The following MICU3 variants were observed in gnomAD, a reference collection of about 807,000 sequenced individuals.
MICU3 encodes the protein calcium uptake protein 3, mitochondrial.
MICU3 carries 62 observed loss-of-function variants against 66.5 expected under a neutral mutation model. The ratio of observed to expected loss-of-function variants is 0.93; its 90% CI spans 0.76 to 1.15. MICU3 has a LOEUF of 1.15. Ranked by LOEUF, MICU3 falls within the 50% of genes most tolerant of loss-of-function variation. The pLI is 0.00. For missense variants in MICU3, 779 were observed against 664.4 expected (o/e 1.17, Z -1.90); for synonymous variants, 308 against 240.7 (o/e 1.28, Z -2.59).
chr8:17,073,952 T>G (rs1819983679), intron 3 of MICU3, among the ~76,000 whole-genome samples: 1 of 152,196 alleles, frequency 6.6e-6, no homozygotes, highest in African/African-American at 2.4e-5. Context: ...TTTTCAAAGG[T>G]CCATGAAGTC....
intron 9 of MICU3, among the ~76,000 whole-genome samples, chr8:17,100,066 G>A (rs551673382): frequency 1.2e-4 from 18 of 151,930 alleles, no homozygotes; most frequent in South Asian, 6.2e-4. Context: ...TGGAGGAGCT[G>A]TGGGCTTTTA....
chr8:17,045,552 G>A (rs1314619752), intron 1 of MICU3, among the ~76,000 whole-genome samples: 1 of 152,178 alleles, frequency 6.6e-6, no homozygotes, highest in African/African-American at 2.4e-5. Flanking sequence ...GACCCAAGAG[G>A]GCAGAGTTTG....
At chr8:17,060,305 T>C (rs1817624860) in intron 1 of MICU3, among the ~76,000 whole-genome samples, 1 of 152,030 alleles carries the variant, frequency 6.6e-6, no homozygotes, top group Non-Finnish European at 1.5e-5. Flanking sequence ...ACTTTTTTTT[T>C]TTTTTCTTTG....
intron 1 of MICU3, among the ~76,000 whole-genome samples, chr8:17,028,612 A>G (rs986007171): frequency 3.3e-5 from 5 of 152,236 alleles, no homozygotes; most frequent in African/African-American, 1.2e-4. Flanking sequence ...CTTTGTTCTT[A>G]ATACGCAGTG....
At chr8:17,068,817 G>T (rs1490662482) in intron 2 of MICU3, among the ~76,000 whole-genome samples, 1 of 152,086 alleles carries the variant, frequency 6.6e-6, no homozygotes, top group African/African-American at 2.4e-5. Context: ...CCATTGCCAG[G>T]TAGAAGAAGA....
chr8:17,114,052 T>A, intron 11 of MICU3, 41 bp from the exon 12 acceptor site: 1 of 1,131,214 alleles, frequency 8.8e-7, no homozygotes, highest in Non-Finnish European at 1.2e-6. Context: ...TTAATAAATT[T>A]GGCAATACTA....
chr8:17,033,567 G>A (rs538506228), intron 1 of MICU3, among the ~76,000 whole-genome samples: 1 of 152,006 alleles, frequency 6.6e-6, no homozygotes, highest in Non-Finnish European at 1.5e-5. Context: ...CTCCCGAGTA[G>A]CTGGGACTGC....
intron 8 of MICU3, among the ~76,000 whole-genome samples, chr8:17,097,912 A>G (rs1198426666): frequency 6.6e-6 from 1 of 151,752 alleles, no homozygotes; most frequent in Admixed American, 6.6e-5. Context: ...ACACCTGCCA[A>G]ATCTCAAGTA....
At chr8:17,044,085 G>T (rs953096766) in intron 1 of MICU3, among the ~76,000 whole-genome samples, 11 of 152,154 alleles carry the variant, frequency 7.2e-5, no homozygotes, top group African/African-American at 2.7e-4. Flanking sequence ...CAAATGATAG[G>T]AGAGCAACAA....
chr8:17,138,344 G>A, the MICU3 span, among the ~76,000 whole-genome samples: 228 of 152,064 alleles, frequency 1.5e-3, 1 homozygote, highest in African/African-American at 5.1e-3. Flanking sequence ...AAGCTGTTTC[G>A]GAAAAAAAGA....
intron 1 of MICU3, among the ~76,000 whole-genome samples, chr8:17,056,658 A>G (rs1816980703): frequency 6.6e-6 from 1 of 152,228 alleles, no homozygotes; most frequent in Admixed American, 6.5e-5. Flanking sequence ...TTATCCAGAT[A>G]CTGTGTTGGC....
intron 1 of MICU3, among the ~76,000 whole-genome samples, chr8:17,033,525 TCG>T (rs1229355528): frequency 6.6e-6 from 1 of 152,096 alleles, no homozygotes; most frequent in Non-Finnish European, 1.5e-5. Context: ...AAGCTCCGCC[TCG>T]CCGGGTTCAT....
chr8:17,081,716 CT>C lies in MICU3; in HGVS notation c.675del (p.Leu226PhefsTer5). On this transcript the variant is annotated frameshift_variant, in exon 5 of 15. Transcript: ENST00000318063. LOFTEE classifies it high-confidence loss of function. ...EKGVISYTEYLFLLCILTKPH... is the reference protein window; with the variant it reads ...EKGVISYTEYXFLLCILTKPH... Reference sequence around the variant, plus strand: ...AGGTGTGATTTCTTACACAGAATATCTTTTTCTTTTATGTATTTTAACAAGT... The same window carrying C: ...AGGTGTGATTTCTTACACAGAATATCTTTTCTTTTATGTATTTTAACAAGT... 3 of 916,732 alleles carry C rather than the reference CT, an allele frequency of 3.3e-6. No individual in the cohort carries two copies. Among genetic ancestry groups the C allele is most frequent in the Non-Finnish European group, 5.0e-6 (3 of 605,140 alleles). The allele number at this position is 916,732 out of a possible 1,614,324, so 56.8% of individuals were successfully genotyped here. A position where few individuals can be genotyped will look rare whatever the true frequency, so the allele number is the denominator to read the frequency against.
Position 17,120,716 on chromosome 8 carries a change from A to G in MICU3, c.*429A>G, listed in dbSNP as rs566523635. 30 of 152,556 alleles carry G rather than the reference A, an allele frequency of 2.0e-4. No homozygotes were observed. The East Asian group carries it at 5.8e-3, about 29-fold the overall frequency. The allele number at this position is 152,556 out of a possible 1,614,324, so 9.5% of individuals were successfully genotyped here. On this transcript the variant is annotated 3_prime_UTR_variant, in exon 15 of 15. Transcript: ENST00000318063. The stretch of plus-strand genomic sequence containing the variant: ...CATTTTCTTTGATTTTGGACTGTGA[A>G]CTTATTTTCAGAGATGAATATTGCT...
At chr8:17,064,331 T>A (rs571325877) in intron 2 of MICU3, 94 bp downstream of exon 2, 2 of 883,790 alleles carry the variant, frequency 2.3e-6, no homozygotes, top group South Asian at 4.0e-5. Context: ...TTAGAAGAAC[T>A]GAGTAATGTG....
chr8:17,048,955 T>G (rs1016144491), intron 1 of MICU3, among the ~76,000 whole-genome samples: 3 of 152,126 alleles, frequency 2.0e-5, no homozygotes, highest in Non-Finnish European at 4.4e-5. Flanking sequence ...TACTCTGTAA[T>G]ATGCTGGGAA....
At chr8:17,106,450 C>A (rs73194736) in intron 11 of MICU3, among the ~76,000 whole-genome samples, 18,516 of 150,560 alleles carry the variant, frequency 0.12, 1,453 homozygotes, top group Admixed American at 0.17. Flanking sequence ...TTTTCCAATT[C>A]ATAGGTACTT....
intron 1 of MICU3, among the ~76,000 whole-genome samples, chr8:17,051,931 G>A (rs1816162726): frequency 6.6e-6 from 1 of 152,136 alleles, no homozygotes; most frequent in African/African-American, 2.4e-5. Flanking sequence ...GGGAGGAATA[G>A]CACCGTGCGT....
chr8:17,105,469 A>G lies in MICU3; in HGVS notation c.1142A>G (p.Asn381Ser). The G allele has an allele frequency of 6.3e-7, 1 of 1,576,524 alleles. No individual in the cohort carries two copies. The highest frequency in any genetic ancestry group is 8.6e-7 in the Non-Finnish European group (1 of 1,157,442). ...GAAATAGAATTCCTTTCCTACTCAA[A>G]TGGAATGAATACCATCAGTGAAGAA... ...VLEIEFLSYSNGMNTISEEDF... is the reference protein window; with the variant it reads ...VLEIEFLSYSSGMNTISEEDF... Residue 381 changes from asparagine to serine, a missense_variant, in exon 11 of 15, where the codon AAT becomes AGT. Asn to Ser is a conservative substitution (Grantham distance 46). Coordinates refer to ENST00000318063, the MANE Select transcript of MICU3 (RefSeq NM_181723.3).
Sources: allele counts gnomAD v4.1 joint callset (sites outside exome capture counted in the v4.1 genomes callset), GRCh38; gene constraint gnomAD v4.1.1; transcripts MANE v1.5; gene names NCBI Gene and HGNC (gene_info 2026-07-23, HGNC 2026-07-21).